MRAS: variants seen among roughly 807,000 people sequenced by gnomAD.
The protein encoded by MRAS is ras-related protein M-Ras.
In MRAS, 4 loss-of-function variants were observed where a neutral mutation model predicts 20.9. The ratio of observed to expected loss-of-function variants is 0.19; its 90% CI spans 0.09 to 0.44. The LOEUF (loss-of-function observed/expected upper bound fraction) is 0.44. Among genes scored for constraint, MRAS ranks in the 20% least tolerant of loss-of-function variants. The pLI is 0.99. For missense variants in MRAS, 154 were observed against 277.5 expected (o/e 0.56, Z 3.16); for synonymous variants, 98 against 102.9 (o/e 0.95, Z 0.29).
rs2055387057 is a variant in MRAS at position 138,402,721 on chromosome 3, A to C, written c.*452A>C. ...TATAGATTTTTAAATTATTTTAGTGATTATTATTTTATTAAAGGGGTCTGG... is the reference window on the plus strand; with the variant it reads ...TATAGATTTTTAAATTATTTTAGTGCTTATTATTTTATTAAAGGGGTCTGG... On this transcript the variant is annotated 3_prime_UTR_variant, in exon 6 of 6. Coordinates refer to ENST00000423968, the MANE Select transcript of MRAS (RefSeq NM_001085049.3). 3 of 153,956 alleles carry C rather than the reference A, an allele frequency of 1.9e-5. No homozygotes were observed. In the Admixed American group the frequency reaches 2.0e-4, roughly 10 times the overall value. The allele number at this position is 153,956 out of a possible 1,614,324, so 9.5% of individuals were successfully genotyped here.
intron 4 of MRAS, chr3:138,400,310 C>T: frequency 2.0e-6 from 1 of 500,470 alleles, no homozygotes; most frequent in South Asian, 3.3e-5. Context: ...TTAAATATCT[C>T]TGTGCCTAGA....
At chr3:138,380,319 T>TTTC (rs139016349) in intron 2 of MRAS, among the ~76,000 whole-genome samples, 31,595 of 150,128 alleles carry the variant, frequency 0.21, 3,815 homozygotes, top group African/African-American at 0.35. Flanking sequence ...TTCTACTTTC[T>TTTC]TTTTTTTTTC....
chr3:138,362,638 C>T (rs113795714), intron 1 of MRAS, among the ~76,000 whole-genome samples: 2,694 of 152,246 alleles, frequency 0.018, 79 homozygotes, highest in African/African-American at 0.061. Context: ...ATTGTACTCC[C>T]GTATGGACTT....
rs191027508 is a variant in MRAS at position 138,388,465 on chromosome 3, A to T, written c.194-8859A>T. Among the ~76,000 whole-genome samples, 518 of 152,300 alleles carry T rather than the reference A, an allele frequency of 3.4e-3. 6 individuals carry two copies. The highest frequency in any genetic ancestry group is 0.011 in the African/African-American group (452 of 41,568). On this transcript the variant is annotated intron_variant, in intron 2 of 5. Coordinates refer to ENST00000423968, the MANE Select transcript of MRAS (RefSeq NM_001085049.3). ...TGTAATCCTTGCACTTTGGGAGGCC[A>T]AGGCGGGCGGATCACTTGAGGCCAG... is the stretch of plus-strand genomic sequence containing the variant.
chr3:138,362,481 C>A (rs911036361), intron 1 of MRAS, among the ~76,000 whole-genome samples: 1 of 152,204 alleles, frequency 6.6e-6, no homozygotes, highest in Non-Finnish European at 1.5e-5. Flanking sequence ...TCCCCTTCCC[C>A]TCCTCTGAGA....
chr3:138,385,721 G>T (rs1560179639), intron 2 of MRAS, among the ~76,000 whole-genome samples: 1 of 151,906 alleles, frequency 6.6e-6, no homozygotes. Context: ...TCATCATGTT[G>T]CCAGGCTGGT....
intron 1 of MRAS, among the ~76,000 whole-genome samples, chr3:138,359,422 C>T (rs2054400608): frequency 6.6e-6 from 1 of 152,212 alleles, no homozygotes; most frequent in African/African-American, 2.4e-5. Context: ...CAGTCCGTCT[C>T]TCTGCAGTCT....
At chr3:138,385,243 C>T (rs1293323577) in intron 2 of MRAS, among the ~76,000 whole-genome samples, 1 of 137,514 alleles carries the variant, frequency 7.3e-6, no homozygotes, top group Non-Finnish European at 1.5e-5. Context: ...TCATGACTCA[C>T]TGCAGCCTTG....
chr3:138,385,715 C>T (rs2054997578), intron 2 of MRAS, among the ~76,000 whole-genome samples: 1 of 152,068 alleles, frequency 6.6e-6, no homozygotes, highest in Non-Finnish European at 1.5e-5. Flanking sequence ...GGGGTTTCAT[C>T]ATGTTGCCAG....
chr3:138,400,626 C>A lies in MRAS; in HGVS notation c.527+13C>A, dbSNP rs2055339212. On this transcript the variant is annotated intron_variant, in intron 5 of 5. Transcript: ENST00000423968. Reference sequence around the variant, plus strand: ...TTAGAGTAATTAGGTGAGCACTGCCCTCTCCCTAGAAGCGGGCCTCCACAG... The same window carrying A: ...TTAGAGTAATTAGGTGAGCACTGCCATCTCCCTAGAAGCGGGCCTCCACAG... 3 of 1,602,238 alleles carry A rather than the reference C, an allele frequency of 1.9e-6. No individual in the cohort carries two copies. The highest frequency in any genetic ancestry group is 1.7e-6 in the Non-Finnish European group (2 of 1,169,262).
intron 2 of MRAS, among the ~76,000 whole-genome samples, chr3:138,396,665 T>C (rs1036979093): frequency 3.0e-4 from 46 of 151,950 alleles, no homozygotes; most frequent in African/African-American, 1.0e-3. Context: ...GCAGGAGTAG[T>C]TGGGGGGATG....
At chr3:138,356,354 C>T (rs754010006) in intron 1 of MRAS, among the ~76,000 whole-genome samples, 15 of 152,068 alleles carry the variant, frequency 9.9e-5, no homozygotes, top group Non-Finnish European at 1.8e-4. Flanking sequence ...GGGGTGTTGG[C>T]GGCAGATTCT....
intron 1 of MRAS, among the ~76,000 whole-genome samples, chr3:138,368,708 A>G (rs1456372240): frequency 7.9e-5 from 12 of 152,176 alleles, no homozygotes. Flanking sequence ...TGTGAATGTC[A>G]GCAGTTTGCT....
chr3:138,382,375 T>G (rs1262163064), intron 2 of MRAS, among the ~76,000 whole-genome samples: 1 of 152,250 alleles, frequency 6.6e-6, no homozygotes, highest in Non-Finnish European at 1.5e-5. Context: ...GGCCTCATGC[T>G]AAGGGCTTTT....
rs1336523532 is a variant in MRAS at position 138,348,654 on chromosome 3, G to C, written c.-132G>C. On this transcript the variant is annotated 5_prime_UTR_variant, in exon 1 of 6. Transcript: ENST00000423968. ...CGGACCGGAGTGGCCGGCTGGCGGG[G>C]AGCCGTCAGTCCGGCGGCCGCGGGG... 5.9e-5 allele frequency: 9 copies of C among 151,674 alleles called. No individual in the cohort carries two copies. The highest frequency in any genetic ancestry group is 5.3e-4 in the Admixed American group (8 of 15,214). 9.4% of individuals were successfully genotyped at this position (151,674 alleles called of 1,614,324 possible). A position where few individuals can be genotyped will look rare whatever the true frequency, so the allele number is the denominator to read the frequency against.
rs2108570768 is a variant in MRAS, at chr3:138,402,573, A to G, written c.*304A>G. The G allele has an allele frequency of 2.9e-6, 1 of 343,828 alleles. No homozygotes were observed. Among genetic ancestry groups the G allele is most frequent in the Middle Eastern group, 7.8e-4 (1 of 1,282 alleles). 21.3% of individuals were successfully genotyped at this position (343,828 alleles called of 1,614,324 possible). ...CCCTCTCTCGGTGGGTGTGTTGTTT[A>G]TTGTAACTACATAGTGTTGGTTTGA... On this transcript the variant is annotated 3_prime_UTR_variant, in exon 6 of 6. Coordinates refer to ENST00000423968, the MANE Select transcript of MRAS (RefSeq NM_001085049.3).
intron 1 of MRAS, among the ~76,000 whole-genome samples, chr3:138,365,931 G>T (rs2054550596): frequency 6.6e-6 from 1 of 152,090 alleles, no homozygotes; most frequent in Non-Finnish European, 1.5e-5. Flanking sequence ...TTGGGTGGGT[G>T]GTTAGGGCTT....
At chr3:138,387,144 G>C (rs2055033923) in intron 2 of MRAS, among the ~76,000 whole-genome samples, 1 of 152,204 alleles carries the variant, frequency 6.6e-6, no homozygotes, top group African/African-American at 2.4e-5. Flanking sequence ...TGGTCACCAA[G>C]GGAGTGGGAG....
At chr3:138,380,597 C>T (rs1240214948) in intron 2 of MRAS, among the ~76,000 whole-genome samples, 1 of 151,914 alleles carries the variant, frequency 6.6e-6, no homozygotes, top group Admixed American at 6.6e-5. Flanking sequence ...AGGCGTGAGC[C>T]ACCGCGCCCG....
Sources: gnomAD v4.1 joint callset for allele counts (sites outside exome capture counted in the v4.1 genomes callset) on GRCh38, gnomAD v4.1.1 for gene constraint, MANE v1.5 for transcripts, NCBI Gene and HGNC (gene_info 2026-07-23, HGNC 2026-07-21) for gene names.